MACROD2: variants seen among roughly 807,000 people sequenced by gnomAD.
MACROD2 encodes mono-ADP ribosylhydrolase 2, also known as ADP-ribose glycohydrolase MACROD2.
Under a neutral mutation model 70.4 loss-of-function variants are expected in MACROD2, and 36 were observed. That is an observed-to-expected ratio of 0.51 (90% CI 0.39 to 0.68). MACROD2 has a LOEUF of 0.68. MACROD2 is among the 30% of genes least tolerant of loss of function. The probability of loss-of-function intolerance (pLI) is 0.00; values close to 1 mark genes in which losing one functional copy is unlikely to be tolerated. For missense variants in MACROD2, 496 were observed against 538.4 expected, an observed-to-expected ratio of 0.92 and a Z score of 0.78; for synonymous variants, 172 against 178.8, an observed-to-expected ratio of 0.96 and a Z score of 0.30.
chr20:13,997,096 A>G (rs6033866), intron 1 of MACROD2, among the ~76,000 whole-genome samples: 3 of 152,098 alleles, frequency 2.0e-5, no homozygotes, highest in African/African-American at 7.2e-5. Flanking sequence ...TTTTTTTTCA[A>G]ATTTACTGCA....
At chr20:15,608,718 G>T (rs528621922) in intron 8 of MACROD2, among the ~76,000 whole-genome samples, 4 of 152,146 alleles carry the variant, frequency 2.6e-5, no homozygotes, top group Admixed American at 6.5e-5. Flanking sequence ...TGCTTCTCCT[G>T]CTGGTCTTCA....
intron 8 of MACROD2, among the ~76,000 whole-genome samples, chr20:15,624,420 A>G (rs1179079145): frequency 6.6e-6 from 1 of 152,194 alleles, no homozygotes; most frequent in African/African-American, 2.4e-5. Context: ...TTGACACTTA[A>G]TATTAACCAT....
intron 7 of MACROD2, among the ~76,000 whole-genome samples, chr20:15,444,584 T>C (rs906345106): frequency 6.6e-6 from 1 of 152,244 alleles, no homozygotes; most frequent in East Asian, 1.9e-4. Flanking sequence ...AGTCAGTCTG[T>C]ACACATCGCC....
intron 3 of MACROD2, among the ~76,000 whole-genome samples, chr20:14,286,490 TC>T (rs1361104131): frequency 6.6e-6 from 1 of 152,110 alleles, no homozygotes; most frequent in Non-Finnish European, 1.5e-5. Context: ...ATTAGAATGT[TC>T]CCCCTGCCAG....
rs1436095595 is a variant in MACROD2, at chr20:14,862,650, T to TAA, written c.418+177692_418+177693insAA. Among the ~76,000 whole-genome samples, 7 of 50,592 alleles carry TAA rather than the reference T, an allele frequency of 1.4e-4. 1 individual carries two copies. Among genetic ancestry groups the TAA allele is most frequent in the East Asian group, 5.4e-4 (1 of 1,868 alleles). 33.2% of individuals were successfully genotyped at this position (50,592 alleles called of 152,430 possible). A position where few individuals can be genotyped will look rare whatever the true frequency, so the allele number is the denominator to read the frequency against. ...ATATAAATATATATATAAATATATA[T>TAA]ATATAAATATATATATAAATATATA... On this transcript the variant is annotated intron_variant, in intron 5 of 17. Coordinates refer to ENST00000684519, the MANE Select transcript of MACROD2 (RefSeq NM_001351661.2).
chr20:15,559,360 T>G (rs943319926), intron 8 of MACROD2, among the ~76,000 whole-genome samples: 2 of 151,564 alleles, frequency 1.3e-5, no homozygotes, highest in African/African-American at 2.4e-5. Flanking sequence ...ATTAAATCAA[T>G]CTCTGGAGTA....
intron 5 of MACROD2, among the ~76,000 whole-genome samples, chr20:14,871,185 A>G (rs1222198327): frequency 1.3e-5 from 2 of 152,092 alleles, no homozygotes; most frequent in African/African-American, 4.8e-5. Context: ...GATACTTCAC[A>G]AGAACATCAT....
chr20:15,205,356 C>G (rs1031630731), intron 5 of MACROD2, among the ~76,000 whole-genome samples: 4 of 151,818 alleles, frequency 2.6e-5, no homozygotes, highest in Admixed American at 2.0e-4. Flanking sequence ...CCAAGTAAAC[C>G]CAAAAACTAA....
rs535312041 is a variant in MACROD2, at chr20:15,519,872, G to A, written c.645+20025G>A. Among the ~76,000 whole-genome samples the A allele has an allele frequency of 3.3e-5, 5 of 152,236 alleles. No homozygotes were observed. In the East Asian group the frequency reaches 7.7e-4, roughly 24 times the overall value. On this transcript the variant is annotated intron_variant, in intron 8 of 17. Transcript: ENST00000684519. ...ATGTGGGAATGCAGAGCAAAATGAG[G>A]TTGCTCTCCCCAACAGTTCCATAAT...
At chr20:15,176,413 C>T (rs1016838723) in intron 5 of MACROD2, among the ~76,000 whole-genome samples, 5 of 152,118 alleles carry the variant, frequency 3.3e-5, no homozygotes, top group Admixed American at 1.3e-4. Context: ...TGGCCCTGCC[C>T]ATGGCCACCT....
At chr20:15,957,298 A>G (rs2065991140) in intron 12 of MACROD2, among the ~76,000 whole-genome samples, 1 of 152,228 alleles carries the variant, frequency 6.6e-6, no homozygotes, top group African/African-American at 2.4e-5. Flanking sequence ...TATTCAACAT[A>G]CAGTTAAGAA....
rs571798035 is a variant in MACROD2 at position 15,196,870 on chromosome 20, C to T, written c.419-33070C>T. 3.5e-5 allele frequency: 34 copies of T among 985,352 alleles called. No homozygotes were observed. In the African/African-American group the frequency reaches 5.6e-4, roughly 16 times the overall value. 61.0% of individuals were successfully genotyped at this position (985,352 alleles called of 1,614,324 possible). On this transcript the variant is annotated intron_variant, in intron 5 of 17. Transcript: ENST00000684519. The stretch of plus-strand genomic sequence containing the variant: ...TACCAGATATGCCACTATCGAGAAG[C>T]AGATGACAGGCTCAGGCCTTACCAG...
intron 8 of MACROD2, among the ~76,000 whole-genome samples, chr20:15,712,474 T>A (rs2146918397): frequency 6.6e-6 from 1 of 152,312 alleles, no homozygotes; most frequent in African/African-American, 2.4e-5. Context: ...TTTTTACTGA[T>A]CAGATTACAC....
At chr20:15,000,411 C>T (rs919951419) in intron 5 of MACROD2, among the ~76,000 whole-genome samples, 1 of 130,128 alleles carries the variant, frequency 7.7e-6, no homozygotes, top group African/African-American at 3.7e-5. Flanking sequence ...ATCATGAGGT[C>T]AGGAGATCGA....
At chr20:14,416,271 T>A (rs1568602115) in intron 3 of MACROD2, among the ~76,000 whole-genome samples, 1 of 152,118 alleles carries the variant, frequency 6.6e-6, no homozygotes, top group Admixed American at 6.5e-5. Flanking sequence ...TTGGCCTCTA[T>A]TTTTTTAGCT....
At chr20:15,490,227 T>G (rs1319977216) in intron 7 of MACROD2, among the ~76,000 whole-genome samples, 1 of 99,018 alleles carries the variant, frequency 1.0e-5, no homozygotes, top group Admixed American at 1.3e-4. Flanking sequence ...CTTCCTCCCT[T>G]CCTTCCTCCC....
intron 4 of MACROD2, among the ~76,000 whole-genome samples, chr20:14,619,884 T>G (rs912781918): frequency 6.6e-6 from 1 of 152,182 alleles, no homozygotes. Flanking sequence ...GCTTCATGCT[T>G]ATTCAGCCAA....
intron 7 of MACROD2, among the ~76,000 whole-genome samples, chr20:15,488,743 G>A (rs531662676): frequency 6.6e-6 from 1 of 152,304 alleles, no homozygotes; most frequent in South Asian, 2.1e-4. Flanking sequence ...CTATTCAAAT[G>A]TGATGTCCTC....
intron 5 of MACROD2, among the ~76,000 whole-genome samples, chr20:15,141,425 G>A (rs7272024): frequency 0.59 from 86,788 of 148,246 alleles, 25,639 homozygotes; most frequent in East Asian, 0.62. Context: ...ATATAGCTAC[G>A]TATCTGCATG....
Sources: allele counts gnomAD v4.1 joint callset (sites outside exome capture counted in the v4.1 genomes callset), GRCh38; gene constraint gnomAD v4.1.1; transcripts MANE v1.5; gene names NCBI Gene and HGNC (gene_info 2026-07-23, HGNC 2026-07-21).